The following RAPGEF4 variants were observed in gnomAD, a reference collection of about 807,000 sequenced individuals.
RAPGEF4 encodes the protein RAP guanine-nucleotide-exchange factor (GEF) 4.
A neutral mutation model predicts 147.9 loss-of-function variants in RAPGEF4; 66 were observed. That is an observed-to-expected ratio of 0.45 (90% CI 0.37 to 0.55). The LOEUF is 0.55. Among genes scored for constraint, RAPGEF4 ranks in the 20% least tolerant of loss-of-function variants. RAPGEF4 has a pLI of 0.00. For missense variants in RAPGEF4, 1,071 were observed against 1,257.3 expected (o/e 0.85, Z 2.24); for synonymous variants, 419 against 442.7 (o/e 0.95, Z 0.67).
chr2:172,980,225 A>G (rs1702173315), intron 10 of RAPGEF4, among the ~76,000 whole-genome samples: 1 of 152,130 alleles, frequency 6.6e-6, no homozygotes, highest in Non-Finnish European at 1.5e-5. Flanking sequence ...GAAGGAAGTT[A>G]AGATCTGGTT....
intron 12 of RAPGEF4, among the ~76,000 whole-genome samples, chr2:172,986,957 C>T (rs899319481): frequency 6.6e-6 from 1 of 152,186 alleles, no homozygotes; most frequent in African/African-American, 2.4e-5. Context: ...CGTGGCCTCC[C>T]AAAGTGTTGG....
intron 3 of RAPGEF4, among the ~76,000 whole-genome samples, chr2:172,798,880 T>C (rs772632515): frequency 6.6e-6 from 1 of 152,214 alleles, no homozygotes; most frequent in Non-Finnish European, 1.5e-5. Context: ...CCAAATCCTG[T>C]GTAATCCATA....
intron 4 of RAPGEF4, among the ~76,000 whole-genome samples, chr2:172,832,783 A>G (rs757116193): frequency 1.3e-4 from 20 of 152,242 alleles, no homozygotes; most frequent in Non-Finnish European, 2.6e-4. Context: ...AGGAAGGACT[A>G]AAAGGAAAAA....
At chr2:172,797,039 C>G (rs1686447908) in intron 2 of RAPGEF4, among the ~76,000 whole-genome samples, 1 of 152,116 alleles carries the variant, frequency 6.6e-6, no homozygotes, top group Admixed American at 6.5e-5. Flanking sequence ...AGGATCATTT[C>G]TAAATGCTTA....
At chr2:172,932,683 G>A (rs1686116023) in intron 6 of RAPGEF4, among the ~76,000 whole-genome samples, 1 of 152,122 alleles carries the variant, frequency 6.6e-6, no homozygotes, top group Admixed American at 6.5e-5. Context: ...ATCTTAAATA[G>A]ATTTTTTTTT....
At chr2:172,838,281 C>T (rs1691186620) in intron 4 of RAPGEF4, among the ~76,000 whole-genome samples, 1 of 152,088 alleles carries the variant, frequency 6.6e-6, no homozygotes, top group Non-Finnish European at 1.5e-5. Context: ...ATATCTTCCC[C>T]ATTTTAACTT....
chr2:172,784,504 C>T (rs1419718981), intron 1 of RAPGEF4, among the ~76,000 whole-genome samples: 3 of 141,084 alleles, frequency 2.1e-5, no homozygotes, highest in African/African-American at 5.2e-5. Flanking sequence ...GGCAACAGAG[C>T]GAAACTCTTA....
In RAPGEF4 at chr2:172,918,681, G is replaced by A. The variant is rs563151836; in HGVS notation, c.517+807G>A. Reference sequence around the variant, plus strand: ...ATCTGTTCATGCATGTCGGAAACATGGTTAGCGTTCGTTACCATTGCATCT... The same window carrying A: ...ATCTGTTCATGCATGTCGGAAACATAGTTAGCGTTCGTTACCATTGCATCT... On this transcript the variant is annotated intron_variant, in intron 5 of 30. Transcript: ENST00000397081. 3.4e-4 allele frequency among the ~76,000 whole-genome samples: 51 copies of A among 152,186 alleles called. No homozygotes were observed. In the South Asian group the frequency reaches 0.01, roughly 31 times the overall value.
intron 15 of RAPGEF4, among the ~76,000 whole-genome samples, chr2:172,992,060 G>T (rs1004162782): frequency 6.6e-6 from 1 of 152,126 alleles, no homozygotes; most frequent in East Asian, 1.9e-4. Context: ...AGCTTGACCA[G>T]TTTTCACATG....
intron 3 of RAPGEF4, among the ~76,000 whole-genome samples, chr2:172,805,053 T>C (rs554026117): frequency 1.3e-5 from 2 of 152,304 alleles, no homozygotes; most frequent in Admixed American, 6.5e-5. Flanking sequence ...CATCAGATAG[T>C]GGCATGGATT....
chr2:172,928,164 T>G, intron 6 of RAPGEF4: 1 of 454,502 alleles, frequency 2.2e-6, no homozygotes, highest in Non-Finnish European at 4.4e-6. Flanking sequence ...GACTTCATGT[T>G]GAAGGTGCCA....
chr2:172,890,618 A>G (rs1171030142), intron 4 of RAPGEF4, among the ~76,000 whole-genome samples: 1 of 152,214 alleles, frequency 6.6e-6, no homozygotes, highest in African/African-American at 2.4e-5. Context: ...CAATGTGTCT[A>G]TAGGCTGTAG....
At chr2:173,001,394 C>G (rs1693904857) in intron 17 of RAPGEF4, 50 bp downstream of exon 17, 2 of 1,610,168 alleles carry the variant, frequency 1.2e-6, no homozygotes, top group Non-Finnish European at 8.5e-7. Context: ...AGACAACCCC[C>G]CCTATCGAGG....
intron 6 of RAPGEF4, among the ~76,000 whole-genome samples, chr2:172,927,752 T>TTTAA (rs1559125996): frequency 6.6e-6 from 1 of 152,220 alleles, no homozygotes; most frequent in South Asian, 2.1e-4. Flanking sequence ...GAACACAGTT[T>TTTAA]TTAAAACCCT....
chr2:172,858,532 C>T (rs941971608), intron 4 of RAPGEF4, among the ~76,000 whole-genome samples: 1 of 152,184 alleles, frequency 6.6e-6, no homozygotes, highest in African/African-American at 2.4e-5. Context: ...GCCAGCCAGT[C>T]AGTTCTGGGA....
intron 4 of RAPGEF4, among the ~76,000 whole-genome samples, chr2:172,914,986 C>T (rs958812424): frequency 3.9e-5 from 6 of 152,272 alleles, no homozygotes; most frequent in African/African-American, 1.4e-4. Context: ...ATTTAGAAAT[C>T]CCAATTTTCT....
chr2:172,803,124 T>C (rs1440280035), intron 3 of RAPGEF4, among the ~76,000 whole-genome samples: 2 of 152,164 alleles, frequency 1.3e-5, no homozygotes, highest in Non-Finnish European at 2.9e-5. Flanking sequence ...ACCATTCTGG[T>C]ATCTGGAGGA....
intron 1 of RAPGEF4, among the ~76,000 whole-genome samples, chr2:172,744,987 A>G (rs183653024): frequency 2.0e-5 from 3 of 152,280 alleles, no homozygotes; most frequent in Admixed American, 2.0e-4. Flanking sequence ...CTTTTTATAT[A>G]TTACTTTATT....
intron 1 of RAPGEF4, among the ~76,000 whole-genome samples, chr2:172,761,939 T>C (rs1696386128): frequency 6.6e-6 from 1 of 152,050 alleles, no homozygotes; most frequent in Admixed American, 6.6e-5. Context: ...CTGGCCAACA[T>C]GGTAAAACCC....
Sources: gnomAD v4.1 joint callset for allele counts (sites outside exome capture counted in the v4.1 genomes callset) on GRCh38, gnomAD v4.1.1 for gene constraint, MANE v1.5 for transcripts, NCBI Gene and HGNC (gene_info 2026-07-23, HGNC 2026-07-21) for gene names.